Variants in RFWD3 observed in about 807,000 individuals in gnomAD.
RFWD3 encodes E3 ubiquitin-protein ligase RFWD3.
A neutral mutation model predicts 87.7 loss-of-function variants in RFWD3; 65 were observed. The ratio of observed to expected loss-of-function variants is 0.74; its 90% CI spans 0.61 to 0.91. RFWD3 has a LOEUF of 0.91. RFWD3 is among the 40% of genes least tolerant of loss of function. The pLI is 0.00. For missense variants in RFWD3, 1,078 were observed against 938.5 expected (o/e 1.15, Z -1.94); for synonymous variants, 433 against 352.8 (o/e 1.23, Z -2.55).
chr16:74,662,929 G>T (rs1487563541), intron 1 of RFWD3, among the ~76,000 whole-genome samples: 1 of 150,974 alleles, frequency 6.6e-6, no homozygotes, highest in Non-Finnish European at 1.5e-5. Context: ...TTTTGAGATG[G>T]AGTCTCGCTC....
rs146389721 is a variant in RFWD3 at position 74,630,877 on chromosome 16, T to G, written c.1658A>C (p.Asn553Thr). 5 of 1,614,090 alleles carry G rather than the reference T, an allele frequency of 3.1e-6. No individual in the cohort carries two copies. The highest frequency in any genetic ancestry group is 4.2e-6 in the Non-Finnish European group (5 of 1,179,952). ...WSCCWCLDEA[N>T]YIYAGLANGS... The stretch of plus-strand genomic sequence containing the variant: ...ATTGGCCAGTCCAGCATAGATGTAG[T>G]TAGCCTCATCAAGACACCAGCAACA... The change falls in exon 10 of 13, where the codon AAC (asparagine) becomes ACC (threonine). Residue 553 changes from asparagine (N) to threonine (T), a missense_variant. Transcript: ENST00000361070.
intron 1 of RFWD3, chr16:74,666,583 T>G (rs1961942895): frequency 6.6e-6 from 1 of 152,166 alleles, no homozygotes; most frequent in Non-Finnish European, 1.5e-5. Context: ...GCAACCCAGA[T>G]ACGCGCGGGG....
intron 6 of RFWD3, among the ~76,000 whole-genome samples, chr16:74,638,543 G>A (rs1401369208): frequency 6.6e-6 from 1 of 152,098 alleles, no homozygotes; most frequent in African/African-American, 2.4e-5. Flanking sequence ...AATATGAAAT[G>A]CAAAGACAGA....
intron 3 of RFWD3, 27 bp downstream of exon 3, chr16:74,651,893 G>C (rs1960595495): frequency 6.2e-7 from 1 of 1,603,556 alleles, no homozygotes; most frequent in Admixed American, 1.7e-5. Context: ...TTAGCCTTGT[G>C]AGTCCAAACC....
chr16:74,644,278 C>G (rs1385243715), intron 6 of RFWD3, 84 bp downstream of exon 6: 8 of 1,326,088 alleles, frequency 6.0e-6, no homozygotes, highest in Non-Finnish European at 8.7e-6. Context: ...AACCTCACTA[C>G]GAGTGACTCA....
chr16:74,633,148 G>A (rs1158186372), intron 8 of RFWD3, among the ~76,000 whole-genome samples: 1 of 151,928 alleles, frequency 6.6e-6, no homozygotes, highest in Admixed American at 6.6e-5. Context: ...GTGGTGGCAA[G>A]TTCCTGTAAT....
intron 12 of RFWD3, among the ~76,000 whole-genome samples, chr16:74,625,552 C>T (rs538074822): frequency 1.3e-5 from 2 of 151,662 alleles, no homozygotes; most frequent in South Asian, 2.1e-4. Context: ...CAATGGCTCA[C>T]GCCTATAATC....
chr16:74,647,579 C>T lies in RFWD3; in HGVS notation c.792+1553G>A, dbSNP rs551487447. Among the ~76,000 whole-genome samples, 222 of 151,898 alleles carry T rather than the reference C, an allele frequency of 1.5e-3. 1 individual carries two copies. The South Asian group carries it at 0.015, about 11-fold the overall frequency. ...CTGGGATTACAGGTGTGAGCCACTG[C>T]GCCCGGCCAACATTATTATTACTAT... On this transcript the variant is annotated intron_variant, in intron 4 of 12. Coordinates refer to ENST00000361070, the MANE Select transcript of RFWD3 (RefSeq NM_018124.4).
At chr16:74,645,948 C>T (rs768015762) in intron 4 of RFWD3, among the ~76,000 whole-genome samples, 10 of 151,228 alleles carry the variant, frequency 6.6e-5, no homozygotes, top group Non-Finnish European at 1.2e-4. Context: ...CGGGGTTTCA[C>T]CGTGTTAGTT....
intron 6 of RFWD3, among the ~76,000 whole-genome samples, chr16:74,643,383 C>T (rs1269588191): frequency 1.3e-5 from 2 of 152,182 alleles, no homozygotes; most frequent in African/African-American, 4.8e-5. Flanking sequence ...GCATACACCA[C>T]CGTTCATTCA....
intron 2 of RFWD3, among the ~76,000 whole-genome samples, chr16:74,654,183 T>G (rs1214292191): frequency 6.6e-6 from 1 of 152,188 alleles, no homozygotes; most frequent in African/African-American, 2.4e-5. Context: ...ATTCTTCATT[T>G]TAGTATTTTG....
rs989466649 is a variant in RFWD3, at chr16:74,649,119, A to G, written c.792+13T>C. On this transcript the variant is annotated intron_variant, in intron 4 of 12. Coordinates refer to ENST00000361070, the MANE Select transcript of RFWD3 (RefSeq NM_018124.4). ...TAAATAAATAGATTTTTTTAAAATG[A>G]TGTTCATATTACCTGTTTGGGGAGG... The G allele has an allele frequency of 1.3e-6, 2 of 1,536,286 alleles. No homozygotes were observed. Among genetic ancestry groups the G allele is most frequent in the African/African-American group, 2.8e-5 (2 of 70,902 alleles).
intron 3 of RFWD3, 39 bp downstream of exon 3, chr16:74,651,881 T>TG (rs1156815090): frequency 1.3e-6 from 2 of 1,574,478 alleles, no homozygotes; most frequent in South Asian, 2.2e-5. Context: ...GCTTCATGGA[T>TG]GTTAGCCTTG....
chr16:74,656,759 A>T (rs1160534641), intron 2 of RFWD3, among the ~76,000 whole-genome samples: 1 of 152,148 alleles, frequency 6.6e-6, no homozygotes, highest in Non-Finnish European at 1.5e-5. Flanking sequence ...TGCCTTGGGG[A>T]TCCACCATCC....
chr16:74,635,294 A>C (rs1394545147), intron 8 of RFWD3, among the ~76,000 whole-genome samples: 1 of 151,606 alleles, frequency 6.6e-6, no homozygotes, highest in Non-Finnish European at 1.5e-5. Flanking sequence ...AAAAAATAAA[A>C]AAAATAAAAA....
At chr16:74,649,050 C>G in intron 4 of RFWD3, 82 bp downstream of exon 4, 1 of 895,694 alleles carries the variant, frequency 1.1e-6, no homozygotes, top group Non-Finnish European at 1.6e-6. Flanking sequence ...CCACTGCACT[C>G]TAGCCTGGGT....
chr16:74,644,537 T>C lies in RFWD3; in HGVS notation c.987+4A>G. The C allele has an allele frequency of 1.9e-6, 3 of 1,614,214 alleles. No individual in the cohort carries two copies. In the South Asian group the frequency reaches 3.3e-5, roughly 18 times the overall value. ...GTTAATGTGTCCTTACCTATGGTCC[T>C]TACCTGGGGACATTTTCGTACTTGT... is the stretch of plus-strand genomic sequence containing the variant. On this transcript the variant is annotated splice_donor_region_variant and intron_variant, in intron 5 of 12. Transcript: ENST00000361070.
chr16:74,657,536 C>T (rs1056615590), intron 2 of RFWD3, among the ~76,000 whole-genome samples: 14 of 143,736 alleles, frequency 9.7e-5, no homozygotes, highest in Admixed American at 2.2e-4. Flanking sequence ...AGTGTAGTGG[C>T]GCAATCTCGG....
At chr16:74,654,600 G>A (rs771219278) in intron 2 of RFWD3, among the ~76,000 whole-genome samples, 7 of 152,030 alleles carry the variant, frequency 4.6e-5, no homozygotes, top group Non-Finnish European at 1.0e-4. Flanking sequence ...TCAAATTAAG[G>A]GAAGAGTCAG....
Sources: allele counts gnomAD v4.1 joint callset (sites outside exome capture counted in the v4.1 genomes callset), GRCh38; gene constraint gnomAD v4.1.1; transcripts MANE v1.5; gene names NCBI Gene and HGNC (gene_info 2026-07-23, HGNC 2026-07-21).